CTXND2: variants seen among roughly 807,000 people sequenced by gnomAD.
CTXND2 encodes the protein cortexin domain containing 2.
At chr1:150,897,233 A>C (rs753479019) in intron 1 of CTXND2, among the ~76,000 whole-genome samples, 7 of 152,240 alleles carry the variant, frequency 4.6e-5, no homozygotes, top group Non-Finnish European at 8.8e-5. Context: ...GAGTGTTTTC[A>C]GGAAATCAGA....
Position 150,901,368 on chromosome 1 carries a change from T to C in CTXND2, c.-73-10874T>C, listed in dbSNP as rs181390635. Among the ~76,000 whole-genome samples, 132 of 152,284 alleles carry C rather than the reference T, an allele frequency of 8.7e-4. 1 individual carries two copies. The highest frequency in any genetic ancestry group is 1.8e-3 in the Admixed American group (27 of 15,290). ...ACACACAATCTGTATCAGAATCCCATCTGATTTGTTTATAAAAACTGACAA... is the reference window on the plus strand; with the variant it reads ...ACACACAATCTGTATCAGAATCCCACCTGATTTGTTTATAAAAACTGACAA... On this transcript the variant is annotated intron_variant, in intron 1 of 1. Coordinates refer to ENST00000636087, the Ensembl canonical transcript of CTXND2.
intron 1 of CTXND2, among the ~76,000 whole-genome samples, chr1:150,910,382 G>A (rs892775635): frequency 4.6e-5 from 7 of 151,676 alleles, no homozygotes; most frequent in Admixed American, 2.0e-4. Context: ...CGCCCTCCTC[G>A]GCCTCCCAAA....
rs587749673 is a variant in CTXND2, at chr1:150,896,762, A to G, written c.-74+9449A>G. Among the ~76,000 whole-genome samples, 7 of 152,352 alleles carry G rather than the reference A, an allele frequency of 4.6e-5. No homozygotes were observed. In the South Asian group the frequency reaches 1.4e-3, roughly 32 times the overall value. ...AGGGCTACATTCATTCACTGAACAA[A>G]TATTTATTGAACATCTAATATATCC... On this transcript the variant is annotated intron_variant, in intron 1 of 1. Coordinates refer to ENST00000636087, the Ensembl canonical transcript of CTXND2.
At chr1:150,912,733 A>G in exon 2 of CTXND2, 1 of 324,908 alleles carries the variant, frequency 3.1e-6, no homozygotes, top group Non-Finnish European at 5.6e-6. Context: ...AGGATGAGAC[A>G]GTGGGCCATA....
Position 150,890,494 on chromosome 1 carries a change from T to TTTTATTTA in CTXND2, c.-74+3200_-74+3207dup, listed in dbSNP as rs587751897. Among the ~76,000 whole-genome samples the TTTTATTTA allele has an allele frequency of 2.7e-4, 41 of 152,140 alleles. No homozygotes were observed. In the East Asian group the frequency reaches 5.6e-3, roughly 21 times the overall value. On this transcript the variant is annotated intron_variant, in intron 1 of 1. Coordinates refer to ENST00000636087, the Ensembl canonical transcript of CTXND2. ...TTTAAAGTTTCCTTCCAATGTGAGA[T>TTTTATTTA]TTTATTTATTTATTTATTTATTTAT...
chr1:150,898,935 T>C (rs375298791), intron 1 of CTXND2, among the ~76,000 whole-genome samples: 1 of 88,800 alleles, frequency 1.1e-5, no homozygotes, highest in Non-Finnish European at 2.5e-5. Context: ...AAAAAAAATA[T>C]ATATATATAT....
chr1:150,904,844 ATAG>A (rs1333756029), intron 1 of CTXND2, among the ~76,000 whole-genome samples: 3 of 152,200 alleles, frequency 2.0e-5, no homozygotes, highest in Non-Finnish European at 4.4e-5. Context: ...TGCTTTTAAA[ATAG>A]TAGCAAGTTA....
intron 1 of CTXND2, among the ~76,000 whole-genome samples, chr1:150,901,606 A>G (rs1400144827): frequency 6.6e-6 from 1 of 152,202 alleles, no homozygotes; most frequent in Non-Finnish European, 1.5e-5. Flanking sequence ...GCAATTTTCA[A>G]CCAGGGTGTC....
intron 1 of CTXND2, among the ~76,000 whole-genome samples, chr1:150,898,566 G>A (rs1266962228): frequency 6.6e-6 from 1 of 151,894 alleles, no homozygotes; most frequent in Non-Finnish European, 1.5e-5. Context: ...GACCATCCTG[G>A]CCAACATGGC....
chr1:150,904,966 T>C (rs1384962217), intron 1 of CTXND2, among the ~76,000 whole-genome samples: 2 of 151,852 alleles, frequency 1.3e-5, no homozygotes, highest in African/African-American at 4.8e-5. Flanking sequence ...TGATTGGGAA[T>C]GATGCTTTTG....
chr1:150,909,677 T>A (rs1236403486), intron 1 of CTXND2, among the ~76,000 whole-genome samples: 1 of 152,166 alleles, frequency 6.6e-6, no homozygotes, highest in Non-Finnish European at 1.5e-5. Flanking sequence ...AGTTTATCTT[T>A]GTATGTGGTG....
intron 1 of CTXND2, among the ~76,000 whole-genome samples, chr1:150,908,386 C>A (rs1436732623): frequency 2.0e-5 from 3 of 152,144 alleles, no homozygotes; most frequent in African/African-American, 7.2e-5. Flanking sequence ...TCCCACCAAC[C>A]GTCAATGAGG....
intron 1 of CTXND2, among the ~76,000 whole-genome samples, chr1:150,908,997 T>C (rs1305553275): frequency 6.6e-6 from 1 of 151,138 alleles, no homozygotes; most frequent in Non-Finnish European, 1.5e-5. Flanking sequence ...CCCAGCACTT[T>C]GGGAGGCCAA....
chr1:150,908,836 C>T (rs1669198010), intron 1 of CTXND2, among the ~76,000 whole-genome samples: 1 of 151,940 alleles, frequency 6.6e-6, no homozygotes, highest in Admixed American at 6.6e-5. Flanking sequence ...ACTACCCAGG[C>T]TGGTCTCAAA....
intron 1 of CTXND2, among the ~76,000 whole-genome samples, chr1:150,894,807 G>A (rs587686814): frequency 3.9e-5 from 6 of 152,162 alleles, no homozygotes; most frequent in South Asian, 2.1e-4. Context: ...AGACTGAGGC[G>A]GGTGGATCAC....
At chr1:150,905,352 C>T (rs1448668971) in intron 1 of CTXND2, among the ~76,000 whole-genome samples, 1 of 150,440 alleles carries the variant, frequency 6.6e-6, no homozygotes, top group Non-Finnish European at 1.5e-5. Context: ...CCATGTTGGC[C>T]AGGCTGGTCT....
intron 1 of CTXND2, among the ~76,000 whole-genome samples, chr1:150,907,221 T>A (rs1426371224): frequency 6.6e-6 from 1 of 152,236 alleles, no homozygotes; most frequent in Non-Finnish European, 1.5e-5. Flanking sequence ...ATTTCAAATG[T>A]ACAATTGAAT....
chr1:150,899,172 G>A (rs1668959169), intron 1 of CTXND2, among the ~76,000 whole-genome samples: 1 of 151,942 alleles, frequency 6.6e-6, no homozygotes, highest in African/African-American at 2.4e-5. Context: ...CAAGCATGGT[G>A]GCTCACGCCT....
chr1:150,902,206 C>G (rs587611229), intron 1 of CTXND2, among the ~76,000 whole-genome samples: 13 of 152,036 alleles, frequency 8.6e-5, no homozygotes, highest in African/African-American at 3.1e-4. Flanking sequence ...TTGAGACCAT[C>G]CTGGATAACA....
Sources: allele counts gnomAD v4.1 joint callset (sites outside exome capture counted in the v4.1 genomes callset), GRCh38; gene constraint gnomAD v4.1.1; transcripts MANE v1.5; gene names NCBI Gene and HGNC (gene_info 2026-07-23, HGNC 2026-07-21).